Variants in GLDN observed in about 807,000 individuals in gnomAD.
GLDN encodes gliomedin, also known as collomin.
Under a neutral mutation model 56.5 loss-of-function variants are expected in GLDN, and 47 were observed. The ratio of observed to expected loss-of-function variants is 0.83; its 90% CI spans 0.66 to 1.06. GLDN has a LOEUF of 1.06. Ranked by LOEUF, GLDN falls within the 50% of genes least tolerant of loss-of-function variation. The pLI is 0.00. For synonymous variants in GLDN, 332 were observed against 278.8 expected (o/e 1.19, Z -1.90); for missense variants, 782 against 714.3 (o/e 1.09, Z -1.08).
Position 51,402,653 on chromosome 15 carries a change from C to T in GLDN, c.1178+910C>T, listed in dbSNP as rs540813598. On this transcript the variant is annotated intron_variant, in intron 9 of 9. Coordinates refer to ENST00000335449, the MANE Select transcript of GLDN (RefSeq NM_181789.4). ...AGTGACTTTGAGGGAGGACTGGGTCCCTTCCCTCTCCCTCATCCTTCTCCT... is the reference window on the plus strand; with the variant it reads ...AGTGACTTTGAGGGAGGACTGGGTCTCTTCCCTCTCCCTCATCCTTCTCCT... Among the ~76,000 whole-genome samples the T allele has an allele frequency of 1.2e-4, 19 of 152,312 alleles. No homozygotes were observed. In the East Asian group the frequency reaches 3.7e-3, roughly 29 times the overall value.
At chr15:51,391,650 G>T (rs1176931641) in intron 4 of GLDN, among the ~76,000 whole-genome samples, 1 of 152,200 alleles carries the variant, frequency 6.6e-6, no homozygotes, top group African/African-American at 2.4e-5. Context: ...CACCAAGATG[G>T]CCTGATGACT....
intron 1 of GLDN, chr15:51,360,569 A>G (rs1343057295): frequency 6.6e-6 from 1 of 152,238 alleles, no homozygotes; most frequent in Non-Finnish European, 1.5e-5. Flanking sequence ...CAGGAAACTA[A>G]CTTCCTCCTG....
intron 1 of GLDN, among the ~76,000 whole-genome samples, chr15:51,356,645 T>A (rs549011742): frequency 6.6e-6 from 1 of 152,302 alleles, no homozygotes; most frequent in Admixed American, 6.5e-5. Flanking sequence ...TGAGTTCACT[T>A]GTGGCTCCCC....
chr15:51,387,060 G>A (rs979501006), intron 4 of GLDN, among the ~76,000 whole-genome samples: 5 of 152,128 alleles, frequency 3.3e-5, no homozygotes, highest in Non-Finnish European at 7.3e-5. Context: ...CATGTGGGCA[G>A]GGGTGAAGTC....
chr15:51,381,474 A>G (rs2037758910), intron 2 of GLDN, among the ~76,000 whole-genome samples: 2 of 152,146 alleles, frequency 1.3e-5, no homozygotes, highest in South Asian at 4.2e-4. Flanking sequence ...ATGTGGTACC[A>G]TTTTAGCCAG....
At chr15:51,344,570 C>T (rs1029148388) in intron 1 of GLDN, among the ~76,000 whole-genome samples, 2 of 152,116 alleles carry the variant, frequency 1.3e-5, no homozygotes, top group Non-Finnish European at 2.9e-5. Context: ...GTATACACTT[C>T]TTATAGGTGA....
chr15:51,346,472 C>T (rs2036980211), intron 1 of GLDN, among the ~76,000 whole-genome samples: 1 of 152,146 alleles, frequency 6.6e-6, no homozygotes, highest in African/African-American at 2.4e-5. Flanking sequence ...CGGGCAAGCC[C>T]TCTGGGAAAA....
chr15:51,343,141 T>A (rs2036916148), intron 1 of GLDN, among the ~76,000 whole-genome samples: 1 of 152,204 alleles, frequency 6.6e-6, no homozygotes, highest in East Asian at 1.9e-4. Context: ...TATTTGAAAA[T>A]AAATTGACTT....
chr15:51,352,595 T>C (rs561245977), intron 1 of GLDN, among the ~76,000 whole-genome samples: 44 of 152,334 alleles, frequency 2.9e-4, no homozygotes, highest in African/African-American at 1.0e-3. Context: ...AAAGCCTGGA[T>C]TGGAATCATA....
chr15:51,384,012 G>A (rs990588784), intron 4 of GLDN, 120 bp downstream of exon 4: 24 of 799,108 alleles, frequency 3.0e-5, no homozygotes, highest in African/African-American at 2.6e-4. Flanking sequence ...GTTTAAGGCC[G>A]GTTTAACTCT....
chr15:51,362,244 G>A (rs1284122990), intron 1 of GLDN, among the ~76,000 whole-genome samples: 2 of 152,132 alleles, frequency 1.3e-5, no homozygotes, highest in Non-Finnish European at 2.9e-5. Context: ...CAGAACTTTG[G>A]GAGTAGAAGG....
chr15:51,403,490 T>A (rs1332373259), intron 9 of GLDN, among the ~76,000 whole-genome samples: 1 of 152,246 alleles, frequency 6.6e-6, no homozygotes, highest in Non-Finnish European at 1.5e-5. Context: ...TAGCCTAATG[T>A]TCCTGAATTT....
intron 2 of GLDN, 117 bp from the exon 3 acceptor site, chr15:51,383,319 A>C (rs1209018469): frequency 1.1e-5 from 12 of 1,059,724 alleles, no homozygotes; most frequent in Non-Finnish European, 1.6e-5. Flanking sequence ...TCTAAATACA[A>C]GGTGTCAAAT....
intron 5 of GLDN, among the ~76,000 whole-genome samples, chr15:51,396,807 G>GT (rs1427309700): frequency 2.0e-5 from 3 of 152,152 alleles, no homozygotes; most frequent in Non-Finnish European, 2.9e-5. Context: ...TTCGACCCAC[G>GT]TATCAAGGAA....
intron 4 of GLDN, among the ~76,000 whole-genome samples, chr15:51,391,951 T>A (rs2038031220): frequency 6.6e-6 from 1 of 152,252 alleles, no homozygotes; most frequent in Non-Finnish European, 1.5e-5. Flanking sequence ...ACTAAGGTTT[T>A]TTTTTATTGG....
At position 51,401,397 on chromosome 15, in the gene GLDN, T is replaced by A. The variant is rs542065198; in HGVS notation, c.1028-196T>A. On this transcript the variant is annotated intron_variant, in intron 8 of 9. Transcript: ENST00000335449. ...CAGGCCAGTTCAATGCCTACCACAT[T>A]TGAAAGACATTTCAGAAATCCATAT... Among the ~76,000 whole-genome samples, 42 of 152,308 alleles carry A rather than the reference T, an allele frequency of 2.8e-4. 2 individuals carry two copies. In the South Asian group the frequency reaches 8.5e-3, roughly 31 times the overall value.
At chr15:51,359,884 CAGG>C (rs1419910209) in intron 1 of GLDN, among the ~76,000 whole-genome samples, 1 of 148,562 alleles carries the variant, frequency 6.7e-6, no homozygotes, top group Non-Finnish European at 1.5e-5. Flanking sequence ...GAGGCTGAGG[CAGG>C]AGAATGATGT....
At chr15:51,403,225 G>T (rs762945658) in intron 9 of GLDN, among the ~76,000 whole-genome samples, 10 of 152,184 alleles carry the variant, frequency 6.6e-5, no homozygotes, top group Non-Finnish European at 4.4e-5. Flanking sequence ...GGGAGAGATG[G>T]GTCTCACCAA....
At chr15:51,379,665 G>T (rs1277125920) in intron 2 of GLDN, among the ~76,000 whole-genome samples, 1 of 152,146 alleles carries the variant, frequency 6.6e-6, no homozygotes, top group Admixed American at 6.5e-5. Flanking sequence ...GGGGCATTGT[G>T]AGCCAATTTT....
Sources: gnomAD v4.1 joint callset for allele counts (sites outside exome capture counted in the v4.1 genomes callset) on GRCh38, gnomAD v4.1.1 for gene constraint, MANE v1.5 for transcripts, NCBI Gene and HGNC (gene_info 2026-07-23, HGNC 2026-07-21) for gene names.